The following CLEC1A variants were observed in gnomAD, a reference collection of about 807,000 sequenced individuals.
CLEC1A encodes C-type lectin-like receptor-1.
In CLEC1A, 34 loss-of-function variants were observed where a neutral mutation model predicts 28.7. The ratio of observed to expected loss-of-function variants is 1.18; its 90% CI spans 0.90 to 1.57. The LOEUF (loss-of-function observed/expected upper bound fraction) is 1.57. CLEC1A is among the 40% of genes most tolerant of loss of function. CLEC1A has a pLI of 0.00. For missense variants in CLEC1A, 385 were observed against 339.5 expected, an observed-to-expected ratio of 1.13 and a Z score of -1.05; for synonymous variants, 116 against 121.0, an observed-to-expected ratio of 0.96 and a Z score of 0.27.
chr12:10,086,957 G>C (rs7975583), intron 2 of CLEC1A, among the ~76,000 whole-genome samples: 119,002 of 151,896 alleles, frequency 0.78, 47,966 homozygotes, highest in Middle Eastern at 0.88. Context: ...TGCAATCTCA[G>C]GACTTTGGAA....
rs550482752 is a variant in CLEC1A at position 10,089,100 on chromosome 12, C to A, written c.214+24G>T. On this transcript the variant is annotated intron_variant, in intron 2 of 5. Transcript: ENST00000315330. ...GACAAACCTTGGAACCAGGATCCTC[C>A]CCCAGGTCAGAGCGCAGACTTACAC... 19 of 1,568,198 alleles carry A rather than the reference C, an allele frequency of 1.2e-5. No individual in the cohort carries two copies. In the Admixed American group the frequency reaches 1.7e-4, roughly 14 times the overall value.
At chr12:10,085,938 CA>C (rs1319523347) in intron 2 of CLEC1A, among the ~76,000 whole-genome samples, 4 of 151,804 alleles carry the variant, frequency 2.6e-5, no homozygotes, top group South Asian at 2.1e-4. Flanking sequence ...TGATAGGCCA[CA>C]AAAAAAGTCT....
chr12:10,091,166 T>G (rs1213191543), intron 1 of CLEC1A, among the ~76,000 whole-genome samples: 1 of 152,238 alleles, frequency 6.6e-6, no homozygotes, highest in Admixed American at 6.5e-5. Context: ...TGTTTCTTTT[T>G]GTCTGTCTCC....
At chr12:10,089,051 C>A (rs945309056) in intron 2 of CLEC1A, 73 bp downstream of exon 2, 2 of 1,167,204 alleles carry the variant, frequency 1.7e-6, no homozygotes, top group Non-Finnish European at 2.6e-6. Flanking sequence ...AAAAACAAAT[C>A]CATAACAAGT....
rs775357797 is a variant in CLEC1A at position 10,097,684 on chromosome 12, C to T, written c.115+1124G>A. On this transcript the variant is annotated intron_variant, in intron 1 of 5. Coordinates refer to ENST00000315330, the MANE Select transcript of CLEC1A (RefSeq NM_016511.4). ...AATTATGCTGATCTCTAGTCCTTGACAGAGTTCCTGGCTCCAGTCAAAGGT... is the reference window on the plus strand; with the variant it reads ...AATTATGCTGATCTCTAGTCCTTGATAGAGTTCCTGGCTCCAGTCAAAGGT... 3.3e-5 allele frequency among the ~76,000 whole-genome samples: 5 copies of T among 152,152 alleles called. No homozygotes were observed. The South Asian group carries it at 1.0e-3, about 32-fold the overall frequency.
chr12:10,095,504 A>T (rs538408548), intron 1 of CLEC1A, among the ~76,000 whole-genome samples: 1 of 152,110 alleles, frequency 6.6e-6, no homozygotes, highest in South Asian at 2.1e-4. Context: ...CTGTCACCCA[A>T]TGCTGTAATA....
At chr12:10,087,193 A>C (rs1279572383) in intron 2 of CLEC1A, among the ~76,000 whole-genome samples, 1 of 99,824 alleles carries the variant, frequency 1.0e-5, no homozygotes, top group African/African-American at 3.9e-5. Flanking sequence ...CGACAGTGTA[A>C]GACTCCATCT....
At chr12:10,075,714 T>A in intron 3 of CLEC1A, 59 bp from the exon 4 acceptor site, 1 of 1,453,796 alleles carries the variant, frequency 6.9e-7, no homozygotes, top group Non-Finnish European at 9.5e-7. Context: ...GCTCCTCTCT[T>A]GAAATTATAT....
intron 2 of CLEC1A, chr12:10,084,519 G>A (rs983290204): frequency 6.6e-5 from 10 of 151,938 alleles, no homozygotes; most frequent in African/African-American, 1.9e-4. Context: ...ATGAAGGAGA[G>A]AATCTTAAAA....
Position 10,070,838 on chromosome 12 carries a change from GGGAA to G in CLEC1A, c.*491_*494del, listed in dbSNP as rs144564392. The G allele has an allele frequency of 6.6e-6, 1 of 152,568 alleles. No homozygotes were observed. The highest frequency in any genetic ancestry group is 2.4e-5 in the African/African-American group (1 of 41,558). The allele number at this position is 152,568 out of a possible 1,614,324, so 9.5% of individuals were successfully genotyped here. A position where few individuals can be genotyped will look rare whatever the true frequency, so the allele number is the denominator to read the frequency against. On this transcript the variant is annotated 3_prime_UTR_variant, in exon 6 of 6. Coordinates refer to ENST00000315330, the MANE Select transcript of CLEC1A (RefSeq NM_016511.4). ...CAGATGGGGTCTTTACTGATGGATT[GGGAA>G]GGGACTAGTATGAACTGAAACAAAC...
chr12:10,073,009 G>A (rs1866166607), intron 5 of CLEC1A, among the ~76,000 whole-genome samples: 1 of 152,128 alleles, frequency 6.6e-6, no homozygotes, highest in African/African-American at 2.4e-5. Flanking sequence ...GAGCCTGGGA[G>A]GCAGAGGTTT....
At chr12:10,074,032 C>T (rs539928223) in intron 4 of CLEC1A, among the ~76,000 whole-genome samples, 1 of 152,232 alleles carries the variant, frequency 6.6e-6, no homozygotes, top group African/African-American at 2.4e-5. Context: ...TCTATCTAGT[C>T]TCACTCTGCA....
At chr12:10,086,100 C>T (rs1040588043) in intron 2 of CLEC1A, among the ~76,000 whole-genome samples, 3 of 151,870 alleles carry the variant, frequency 2.0e-5, no homozygotes, top group African/African-American at 4.8e-5. Flanking sequence ...GGGTAAACAA[C>T]GAAATCAAGA....
At chr12:10,075,171 T>C (rs1866223876) in intron 4 of CLEC1A, among the ~76,000 whole-genome samples, 1 of 152,240 alleles carries the variant, frequency 6.6e-6, no homozygotes, top group African/African-American at 2.4e-5. Context: ...CAGGCAGCCC[T>C]ATTTTCATGT....
intron 1 of CLEC1A, among the ~76,000 whole-genome samples, chr12:10,090,606 G>A (rs1486011716): frequency 6.6e-6 from 1 of 151,786 alleles, no homozygotes; most frequent in Non-Finnish European, 1.5e-5. Context: ...TTCCAAATGG[G>A]GAATGATAAC....
At chr12:10,083,501 C>G (rs1335074527) in intron 2 of CLEC1A, among the ~76,000 whole-genome samples, 1 of 152,210 alleles carries the variant, frequency 6.6e-6, no homozygotes, top group Non-Finnish European at 1.5e-5. Flanking sequence ...CAGAATCTCA[C>G]TCTGTTGCCC....
At position 10,073,402 on chromosome 12, in the gene CLEC1A, C is replaced by T. The variant is rs140908455; in HGVS notation, c.553G>A (p.Ala185Thr). The change falls in exon 5 of 6, where the codon GCG becomes ACG. Residue 185 changes from alanine (A) to threonine (T), a missense_variant. Transcript: ENST00000315330. ...INKQEDLEFA[A>T]SQSYSEFFYS... is the part of the protein sequence containing the mutation. ...AAAAACTCAGAGTAGCTCTGAGACGCGGCAAATTCCTGTGAAAAGCACATA... is the reference window on the plus strand; with the variant it reads ...AAAAACTCAGAGTAGCTCTGAGACGTGGCAAATTCCTGTGAAAAGCACATA... The T allele has an allele frequency of 4.9e-4, 796 of 1,611,966 alleles. 2 individuals carry two copies. In the African/African-American group the frequency reaches 9.2e-3, roughly 19 times the overall value.
intron 3 of CLEC1A, among the ~76,000 whole-genome samples, chr12:10,077,022 C>A (rs1866265575): frequency 6.6e-6 from 1 of 152,074 alleles, no homozygotes; most frequent in South Asian, 2.1e-4. Context: ...TGATAAGTGA[C>A]CCTCTATGTG....
intron 2 of CLEC1A, among the ~76,000 whole-genome samples, chr12:10,082,274 G>C (rs1237592620): frequency 2.0e-5 from 3 of 152,174 alleles, no homozygotes; most frequent in African/African-American, 7.2e-5. Context: ...CAGTGGGAAG[G>C]GTTGTAGCCT....
Sources: gnomAD v4.1 joint callset for allele counts (sites outside exome capture counted in the v4.1 genomes callset) on GRCh38, gnomAD v4.1.1 for gene constraint, MANE v1.5 for transcripts, NCBI Gene and HGNC (gene_info 2026-07-23, HGNC 2026-07-21) for gene names.